Variants in NCOR2 observed in about 807,000 individuals in gnomAD.
NCOR2 encodes nuclear receptor corepressor 2.
NCOR2 carries 81 observed loss-of-function variants against 262.9 expected under a neutral mutation model. The observed-to-expected ratio is 0.31, with a 90% CI of 0.26 to 0.37. The LOEUF is 0.37. Among genes scored for constraint, NCOR2 ranks in the 10% least tolerant of loss-of-function variants. NCOR2 has a pLI of 1.00. For missense variants in NCOR2, 3,385 were observed against 3,621.4 expected, an observed-to-expected ratio of 0.93 and a Z score of 1.68; for synonymous variants, 1,659 against 1,559.3, an observed-to-expected ratio of 1.06 and a Z score of -1.51.
chr12:124,325,432 C>T (rs1018614693), exon 47 of NCOR2: 6 of 1,082,530 alleles, frequency 5.5e-6, no homozygotes, highest in East Asian at 6.1e-5. Context: ...TCTCGTACTG[C>T]GAGCAGAGCA....
chr12:124,409,575 C>T (rs975342529), intron 13 of NCOR2, among the ~76,000 whole-genome samples: 4 of 152,318 alleles, frequency 2.6e-5, no homozygotes, highest in South Asian at 2.1e-4. Flanking sequence ...ACGCATGGTC[C>T]AAGTCCCCCA....
At chr12:124,430,457 T>G (rs1397646872) in intron 9 of NCOR2, among the ~76,000 whole-genome samples, 158 bp downstream of exon 11, 1 of 152,190 alleles carries the variant, frequency 6.6e-6, no homozygotes, top group Non-Finnish European at 1.5e-5. Context: ...CCAAAGAGGC[T>G]CCACGTGACA....
intron 1 of NCOR2, among the ~76,000 whole-genome samples, chr12:124,547,326 C>A (rs368032322): frequency 8.4e-4 from 128 of 152,268 alleles, no homozygotes; most frequent in African/African-American, 2.9e-3. Flanking sequence ...GGTTGTTAAT[C>A]TCTCACTGTG....
intron 23 of NCOR2, among the ~76,000 whole-genome samples, chr12:124,356,000 C>G (rs560775534): frequency 6.6e-6 from 1 of 152,224 alleles, no homozygotes; most frequent in Non-Finnish European, 1.5e-5. Context: ...CCTTCAGGCT[C>G]GCCTGACCTG....
At chr12:124,411,428 T>C (rs2042581862) in intron 13 of NCOR2, among the ~76,000 whole-genome samples, 1 of 152,150 alleles carries the variant, frequency 6.6e-6, no homozygotes, top group Admixed American at 6.5e-5. Context: ...GCTTCCTTCT[T>C]GGACCCAGGC....
chr12:124,519,842 G>A (rs373254610), intron 1 of NCOR2, among the ~76,000 whole-genome samples: 3 of 151,866 alleles, frequency 2.0e-5, no homozygotes, highest in Admixed American at 6.5e-5. Context: ...CCCCTGAGCC[G>A]CCACACACAG....
At chr12:124,428,086 T>TGTGTGTGTGTGTGTGTGTGTGTGGGC (rs958627720) in intron 10 of NCOR2, among the ~76,000 whole-genome samples, 1 of 147,054 alleles carries the variant, frequency 6.8e-6, no homozygotes, top group Non-Finnish European at 1.5e-5. Flanking sequence ...TGTGTGTGTG[T>TGTGTGTGTGTGTGTGTGTGTGTGGGC]GTACATGCAA....
chr12:124,337,864 T>C (rs563825682), intron 37 of NCOR2, among the ~76,000 whole-genome samples: 1 of 152,296 alleles, frequency 6.6e-6, no homozygotes, highest in East Asian at 1.9e-4. Flanking sequence ...TGCGTTTCCA[T>C]GGGGGCACCC....
intron 5 of NCOR2, among the ~76,000 whole-genome samples, chr12:124,464,845 G>A (rs1014470682): frequency 6.6e-6 from 1 of 152,216 alleles, no homozygotes; most frequent in Non-Finnish European, 1.5e-5. Context: ...TTTGAACCCA[G>A]GATGGCTGGC....
chr12:124,326,391 A>G, intron 45 of NCOR2, 21 bp from the exon 48 acceptor site: 2 of 1,481,266 alleles, frequency 1.4e-6, no homozygotes, highest in Non-Finnish European at 1.8e-6. Flanking sequence ...ACAAGATGGG[A>G]AGGGGCTGCG....
chr12:124,392,559 G>C (rs1232855435), intron 16 of NCOR2, among the ~76,000 whole-genome samples: 1 of 152,148 alleles, frequency 6.6e-6, no homozygotes, highest in Admixed American at 6.5e-5. Context: ...GGAAGTAGCC[G>C]GGCAGACCCA....
At chr12:124,500,393 A>G (rs1242995) in intron 1 of NCOR2, among the ~76,000 whole-genome samples, 151,468 of 152,322 alleles carry the variant, frequency 0.99, 75,312 homozygotes, top group East Asian at 1. Context: ...GCACTCTGCC[A>G]GGCAGCAGCA....
upstream of NCOR2, among the ~76,000 whole-genome samples, chr12:124,496,264 G>A (rs1426755891): frequency 7.1e-6 from 1 of 141,146 alleles, no homozygotes; most frequent in East Asian, 2.0e-4. This position sits in a 1 kb window ranked among gnomAD's most constrained non-coding sequence, Gnocchi z 4.4. Context: ...CCCTTCCTCC[G>A]CCAGCCACAG....
In NCOR2 at chr12:124,339,717, C is replaced by CA. The variant is rs1414068812; in HGVS notation, c.5687+288dup. Among the ~76,000 whole-genome samples the CA allele has an allele frequency of 1.2e-4, 7 of 56,880 alleles. 1 individual carries two copies. The highest frequency in any genetic ancestry group is 3.1e-4 in the African/African-American group (7 of 22,440). The allele number at this position is 56,880 out of a possible 152,430, so 37.3% of individuals were successfully genotyped here. On this transcript the variant is annotated intron_variant, in intron 37 of 46. Coordinates refer to ENST00000405201, the Ensembl canonical transcript of NCOR2. ...CATCCACCCATCCAACCAGCTAACC[C>CA]AGCCATCTATCTTTCCACTGACCCA...
Position 124,479,154 on chromosome 12 carries a change from G to C in NCOR2, c.411+4442C>G, listed in dbSNP as rs188639081. On this transcript the variant is annotated intron_variant, in intron 3 of 46. Coordinates refer to ENST00000405201, the Ensembl canonical transcript of NCOR2. ...CGCAGAGACAAAACGCGCACCTGGG[G>C]GACAACTGCCCACTCAGGGGTTGGT... Among the ~76,000 whole-genome samples the C allele has an allele frequency of 2.5e-3, 386 of 152,340 alleles. 6 individuals carry two copies. Among genetic ancestry groups the C allele is most frequent in the African/African-American group, 9.0e-3 (374 of 41,576 alleles).
At chr12:124,442,192 G>A (rs900897289) in intron 7 of NCOR2, among the ~76,000 whole-genome samples, 1 of 152,174 alleles carries the variant, frequency 6.6e-6, no homozygotes, top group Non-Finnish European at 1.5e-5. Context: ...CTCCCAGGCG[G>A]GAGTGCAGTG....
chr12:124,363,701 CGCTGCTTCA>C, exon 21 of NCOR2: 6 of 1,398,916 alleles, frequency 4.3e-6, no homozygotes, highest in Non-Finnish European at 4.7e-6. Flanking sequence ...GGCAGCCGCT[CGCTGCTTCA>C]GCTGCTTCAG....
intron 1 of NCOR2, among the ~76,000 whole-genome samples, chr12:124,501,064 A>ACG (rs770038837): frequency 0.15 from 1,919 of 12,932 alleles, 24 homozygotes; most frequent in Admixed American, 0.18. Context: ...GCACGCGCGC[A>ACG]CACACACACA....
At chr12:124,345,373 T>C (rs983040048) in intron 31 of NCOR2, among the ~76,000 whole-genome samples, 4 of 152,048 alleles carry the variant, frequency 2.6e-5, no homozygotes, top group Admixed American at 2.6e-4. Flanking sequence ...GACCCAATAC[T>C]ACCCGCCCTG....
Sources: allele counts gnomAD v4.1 joint callset (sites outside exome capture counted in the v4.1 genomes callset), GRCh38; gene constraint gnomAD v4.1.1; non-coding constraint Gnocchi (gnomAD v3.1); transcripts MANE v1.5; gene names NCBI Gene and HGNC (gene_info 2026-07-23, HGNC 2026-07-21).